IKZF2: variants seen among roughly 807,000 people sequenced by gnomAD.
IKZF2 encodes IKAROS family zinc finger 2, also known as zinc finger protein Helios.
In IKZF2, 15 loss-of-function variants were observed where a neutral mutation model predicts 49.2. That is an observed-to-expected ratio of 0.30 (90% confidence interval 0.20 to 0.47). IKZF2 has a LOEUF of 0.47. IKZF2 is among the 20% of genes least tolerant of loss of function. The pLI, the probability that IKZF2 is intolerant of heterozygous loss-of-function variation, is 1.00. For synonymous variants in IKZF2, 227 were observed against 221.4 expected, an observed-to-expected ratio of 1.03 and a Z score of -0.23; for missense variants, 567 against 664.6, an observed-to-expected ratio of 0.85 and a Z score of 1.61.
At chr2:213,112,943 G>C (rs1574889164) in intron 4 of IKZF2, among the ~76,000 whole-genome samples, 1 of 152,060 alleles carries the variant, frequency 6.6e-6, no homozygotes, top group East Asian at 1.9e-4. Flanking sequence ...TATTTGATTT[G>C]TTTGACAAAA....
intron 7 of IKZF2, chr2:213,017,140 T>C (rs949740287): frequency 2.6e-5 from 4 of 152,220 alleles, no homozygotes; most frequent in African/African-American, 9.6e-5. Flanking sequence ...ACTCTTTCCA[T>C]GTTCCTACTC....
intron 8 of IKZF2, among the ~76,000 whole-genome samples, chr2:213,010,931 G>T (rs981269534): frequency 1.3e-5 from 2 of 152,080 alleles, no homozygotes; most frequent in African/African-American, 2.4e-5. Flanking sequence ...AACTTGCATA[G>T]CTGTTAAGGA....
intron 7 of IKZF2, chr2:213,021,578 A>G: frequency 2.9e-6 from 1 of 341,604 alleles, no homozygotes. Context: ...AAGCAAAATC[A>G]GTAATTTCTC....
At position 213,064,860 on chromosome 2, in the gene IKZF2, C is replaced by A. The variant is rs73077209; in HGVS notation, c.140-7761G>T. 4.0e-3 allele frequency among the ~76,000 whole-genome samples: 605 copies of A among 152,168 alleles called. 4 individuals are homozygous for A. Among genetic ancestry groups the A allele is most frequent in the African/African-American group, 0.014 (588 of 41,554 alleles). On this transcript the variant is annotated intron_variant, in intron 4 of 8. Coordinates refer to ENST00000434687, the MANE Select transcript of IKZF2 (RefSeq NM_001387220.1). ...TCCTTCAAACTTTTGCCACACTCTT[C>A]TCCCCCAATTCATCTATATTCAGTT... is the stretch of plus-strand genomic sequence containing the variant.
At chr2:213,104,139 T>C (rs183301225) in intron 4 of IKZF2, among the ~76,000 whole-genome samples, 8 of 152,182 alleles carry the variant, frequency 5.3e-5, no homozygotes, top group East Asian at 3.9e-4. Flanking sequence ...ACATTAATAG[T>C]ACAGTTAAAA....
intron 4 of IKZF2, among the ~76,000 whole-genome samples, chr2:213,065,919 G>A (rs73077212): frequency 0.026 from 3,956 of 152,164 alleles, 172 homozygotes; most frequent in African/African-American, 0.091. Context: ...TGGAATACAG[G>A]TGTAGCAGAT....
At chr2:213,069,240 C>T (rs1019748983) in intron 4 of IKZF2, among the ~76,000 whole-genome samples, 2 of 152,084 alleles carry the variant, frequency 1.3e-5, no homozygotes, top group African/African-American at 4.8e-5. Context: ...TACCAGCTAC[C>T]TTGATCCCTG....
At chr2:213,115,209 A>G (rs2059831675) in intron 4 of IKZF2, among the ~76,000 whole-genome samples, 1 of 152,210 alleles carries the variant, frequency 6.6e-6, no homozygotes, top group Non-Finnish European at 1.5e-5. Context: ...TGAAGTTTTA[A>G]TCAATGTCAG....
At chr2:213,145,242 C>T (rs1233052377) in intron 4 of IKZF2, among the ~76,000 whole-genome samples, 2 of 151,354 alleles carry the variant, frequency 1.3e-5, no homozygotes, top group East Asian at 1.9e-4. Context: ...CCTCCTTACA[C>T]ATATATTCCC....
intron 4 of IKZF2, among the ~76,000 whole-genome samples, chr2:213,109,805 C>A (rs981585130): frequency 6.6e-6 from 1 of 151,796 alleles, no homozygotes; most frequent in Non-Finnish European, 1.5e-5. Flanking sequence ...ATTATCATTT[C>A]TAAAGTTGCA....
chr2:213,016,812 C>T (rs1696658818), intron 7 of IKZF2: 1 of 152,056 alleles, frequency 6.6e-6, no homozygotes, highest in Non-Finnish European at 1.5e-5. Context: ...AAACAGTTCA[C>T]CCAAATTCAA....
chr2:213,008,975 G>A (rs1422919457), intron 8 of IKZF2, among the ~76,000 whole-genome samples: 2 of 151,974 alleles, frequency 1.3e-5, no homozygotes, highest in African/African-American at 4.8e-5. Flanking sequence ...ATGAAATGTA[G>A]GGTTATTTAA....
At chr2:213,151,137 G>T (rs926319283) in intron 1 of IKZF2, among the ~76,000 whole-genome samples, 48 of 151,894 alleles carry the variant, frequency 3.2e-4, no homozygotes, top group African/African-American at 1.1e-3. Flanking sequence ...TCTTCAACCC[G>T]ATTCCCTGAG....
chr2:213,030,627 C>T (rs1010463902), intron 6 of IKZF2, among the ~76,000 whole-genome samples: 2 of 151,866 alleles, frequency 1.3e-5, no homozygotes, highest in Admixed American at 1.3e-4. Flanking sequence ...GCTTCAATAA[C>T]AAAAAAGCAA....
At chr2:213,083,742 T>C (rs961954156) in intron 4 of IKZF2, among the ~76,000 whole-genome samples, 1 of 150,630 alleles carries the variant, frequency 6.6e-6, no homozygotes, top group African/African-American at 2.5e-5. Context: ...ATGCCAGAGA[T>C]CTAGCTTGTG....
intron 4 of IKZF2, among the ~76,000 whole-genome samples, chr2:213,129,797 T>C (rs1442983697): frequency 6.6e-6 from 1 of 152,180 alleles, no homozygotes; most frequent in East Asian, 1.9e-4. Flanking sequence ...GATGATAGAC[T>C]AAAGTTACAG....
intron 4 of IKZF2, among the ~76,000 whole-genome samples, chr2:213,122,103 C>T (rs560279072): frequency 6.6e-6 from 1 of 152,026 alleles, no homozygotes; most frequent in Non-Finnish European, 1.5e-5. Flanking sequence ...GACAGAGAGA[C>T]AGAGAGAGAG....
chr2:213,004,239 T>G lies in IKZF2; in HGVS notation c.*3121A>C, dbSNP rs921210044. 4.6e-5 allele frequency: 7 copies of G among 151,884 alleles called. No homozygotes were observed. Among genetic ancestry groups the G allele is most frequent in the African/African-American group, 7.2e-5 (3 of 41,410 alleles). The allele number at this position is 151,884 out of a possible 1,614,324, so 9.4% of individuals were successfully genotyped here. A position where few individuals can be genotyped will look rare whatever the true frequency, so the allele number is the denominator to read the frequency against. Reference sequence around the variant, plus strand: ...TGTATGTAGGGGAGATACTTTCTACTACGTAGCCAAATCTAAGTCGTAGTT... The same window carrying G: ...TGTATGTAGGGGAGATACTTTCTACGACGTAGCCAAATCTAAGTCGTAGTT... On this transcript the variant is annotated 3_prime_UTR_variant, in exon 9 of 9. Transcript: ENST00000434687.
At chr2:213,140,012 C>T (rs1325991242) in intron 4 of IKZF2, among the ~76,000 whole-genome samples, 3 of 151,816 alleles carry the variant, frequency 2.0e-5, no homozygotes, top group African/African-American at 7.3e-5. Flanking sequence ...TAGAAAACAC[C>T]CCAAACCTAT....
Sources: allele counts gnomAD v4.1 joint callset (sites outside exome capture counted in the v4.1 genomes callset), GRCh38; gene constraint gnomAD v4.1.1; transcripts MANE v1.5; gene names NCBI Gene and HGNC (gene_info 2026-07-23, HGNC 2026-07-21).